The following EIF4E3 variants were observed in gnomAD, a reference collection of about 807,000 sequenced individuals.
The protein encoded by EIF4E3 is eukaryotic translation initiation factor 4E family member 3.
EIF4E3 carries 26 observed loss-of-function variants against 31.7 expected under a neutral mutation model. The observed-to-expected ratio is 0.82, with a 90% CI of 0.60 to 1.14. EIF4E3 has a LOEUF of 1.14. Ranked by LOEUF, EIF4E3 falls within the 50% of genes most tolerant of loss-of-function variation. EIF4E3 has a pLI of 0.00. For missense variants in EIF4E3, 304 were observed against 270.9 expected (o/e 1.12, Z -0.86); for synonymous variants, 128 against 107.7 (o/e 1.19, Z -1.17).
chr3:71,725,438 C>T, upstream of EIF4E3: 1 of 795,680 alleles, frequency 1.3e-6, no homozygotes, highest in Non-Finnish European at 1.5e-6. The surrounding 1 kb of genome is among the most constrained non-coding windows in gnomAD (Gnocchi z 6.1). Flanking sequence ...TCACCCCCGG[C>T]CCCCGCCCCG....
At chr3:71,687,989 T>C (rs938185439) in intron 6 of EIF4E3, among the ~76,000 whole-genome samples, 1 of 151,594 alleles carries the variant, frequency 6.6e-6, no homozygotes, top group African/African-American at 2.4e-5. Flanking sequence ...GACTGCCTGC[T>C]TTGTTTACAA....
chr3:71,709,966 G>A (rs1027767874), intron 2 of EIF4E3, among the ~76,000 whole-genome samples: 3 of 152,012 alleles, frequency 2.0e-5, no homozygotes, highest in African/African-American at 7.2e-5. Context: ...CCACCTTCAC[G>A]CTCCACACTA....
At chr3:71,734,792 C>A (rs975754755) in intron 1 of EIF4E3, among the ~76,000 whole-genome samples, 1 of 152,146 alleles carries the variant, frequency 6.6e-6, no homozygotes, top group African/African-American at 2.4e-5. Context: ...TCTGTTGATT[C>A]AATTTAACTG....
intron 1 of EIF4E3, among the ~76,000 whole-genome samples, chr3:71,711,741 C>G (rs1421803129): frequency 6.6e-6 from 1 of 152,168 alleles, no homozygotes; most frequent in Non-Finnish European, 1.5e-5. Flanking sequence ...CTCTGGGAGG[C>G]TGAGGCAGGT....
At chr3:71,687,193 G>T (rs377258907) in intron 6 of EIF4E3, among the ~76,000 whole-genome samples, 1 of 152,056 alleles carries the variant, frequency 6.6e-6, no homozygotes, top group East Asian at 1.9e-4. Flanking sequence ...GTAGAGATGG[G>T]GTTTCGCCAT....
intron 6 of EIF4E3, among the ~76,000 whole-genome samples, chr3:71,686,398 C>T (rs1013429670): frequency 9.2e-5 from 14 of 152,046 alleles, no homozygotes; most frequent in Non-Finnish European, 1.9e-4. Flanking sequence ...CAACCTACTC[C>T]GCACTTGGAT....
Position 71,684,464 on chromosome 3 carries a change from G to C in EIF4E3, c.*218C>G, listed in dbSNP as rs2048963181. 3 of 374,080 alleles carry C rather than the reference G, an allele frequency of 8.0e-6. No homozygotes were observed. Among genetic ancestry groups the C allele is most frequent in the Admixed American group, 4.5e-5 (1 of 22,106 alleles). The allele number at this position is 374,080 out of a possible 1,614,324, so 23.2% of individuals were successfully genotyped here. A position where few individuals can be genotyped will look rare whatever the true frequency, so the allele number is the denominator to read the frequency against. On this transcript the variant is annotated 3_prime_UTR_variant, in exon 7 of 7. Transcript: ENST00000425534. ...GCCAAAAAAAAAGTTTTTTGTGTGT[G>C]TTTTTTTTAAAAAGCAAGTAATGTG...
At chr3:71,703,669 A>G (rs1281701989) in intron 2 of EIF4E3, among the ~76,000 whole-genome samples, 1 of 152,144 alleles carries the variant, frequency 6.6e-6, no homozygotes, top group African/African-American at 2.4e-5. Context: ...TTCCTCCTCA[A>G]TTTCCTACTG....
chr3:71,684,464 G>T lies in EIF4E3; in HGVS notation c.*218C>A. ...GCCAAAAAAAAAGTTTTTTGTGTGT[G>T]TTTTTTTTAAAAAGCAAGTAATGTG... On this transcript the variant is annotated 3_prime_UTR_variant, in exon 7 of 7. Transcript: ENST00000425534. 1.1e-5 allele frequency: 4 copies of T among 374,310 alleles called. No homozygotes were observed. Among genetic ancestry groups the T allele is most frequent in the Non-Finnish European group, 1.9e-5 (4 of 212,180 alleles). The allele number at this position is 374,310 out of a possible 1,614,324, so 23.2% of individuals were successfully genotyped here.
rs891005006 is a variant in EIF4E3 at position 71,718,619 on chromosome 3, T to A, written c.176+6573A>T. ...ATGACAGATCACTAAATTGTTGCCATGTGCCCCGGGTTTGGAAGTAAGTTT... is the reference window on the plus strand; with the variant it reads ...ATGACAGATCACTAAATTGTTGCCAAGTGCCCCGGGTTTGGAAGTAAGTTT... On this transcript the variant is annotated intron_variant, in intron 1 of 6. Transcript: ENST00000425534. 3.9e-5 allele frequency among the ~76,000 whole-genome samples: 6 copies of A among 152,342 alleles called. No homozygotes were observed. In the Middle Eastern group the frequency reaches 0.014, roughly 345 times the overall value.
Position 71,716,529 on chromosome 3 carries a change from G to A in EIF4E3, c.177-6045C>T, listed in dbSNP as rs139973490. Among the ~76,000 whole-genome samples the A allele has an allele frequency of 8.9e-4, 135 of 152,266 alleles. 2 individuals carry two copies. In the East Asian group the frequency reaches 0.019, roughly 22 times the overall value. ...ATTACAGGCATGAGCCACCGTGCCC[G>A]GCCCATTTTATCCTTTTTCTTATTC... is the stretch of plus-strand genomic sequence containing the variant. On this transcript the variant is annotated intron_variant, in intron 1 of 6. Transcript: ENST00000425534.
chr3:71,699,573 T>C, intron 3 of EIF4E3, 41 bp downstream of exon 3: 1 of 1,549,020 alleles, frequency 6.5e-7, no homozygotes, highest in Non-Finnish European at 8.9e-7. Context: ...CACAAACATT[T>C]TCCTCCCACC....
intron 1 of EIF4E3, among the ~76,000 whole-genome samples, chr3:71,710,896 T>G (rs2049369324): frequency 6.6e-6 from 1 of 152,210 alleles, no homozygotes; most frequent in Non-Finnish European, 1.5e-5. Context: ...TTTGCAAACT[T>G]GTTAGTAACT....
At chr3:71,696,345 G>A (rs2049135411) in intron 4 of EIF4E3, 115 bp downstream of exon 4, 1 of 1,075,344 alleles carries the variant, frequency 9.3e-7, no homozygotes, top group East Asian at 2.4e-5. Flanking sequence ...CTCACCCCCA[G>A]CCTGTTTGGG....
chr3:71,722,704 G>C (rs1578373717), intron 1 of EIF4E3, among the ~76,000 whole-genome samples: 1 of 152,208 alleles, frequency 6.6e-6, no homozygotes, highest in Non-Finnish European at 1.5e-5. Context: ...CTCATCCAGT[G>C]AGGGGAATGA....
chr3:71,723,883 A>G (rs1044503244), intron 1 of EIF4E3, among the ~76,000 whole-genome samples: 6 of 151,964 alleles, frequency 3.9e-5, no homozygotes, highest in Admixed American at 6.6e-5. Context: ...CCCACCCCCA[A>G]CTTTTTTGGG....
rs1287660315 is a variant in EIF4E3, at chr3:71,682,576, G to A, written c.*2106C>T. On this transcript the variant is annotated 3_prime_UTR_variant, in exon 7 of 7. Coordinates refer to ENST00000425534, the MANE Select transcript of EIF4E3 (RefSeq NM_001134651.2). ...AATCCTCTCTGAAAGTAATTTAGAT[G>A]ATAGGTTTTTAACATTAGGCAAATT... The A allele has an allele frequency of 6.6e-6, 1 of 152,394 alleles. No homozygotes were observed. The highest frequency in any genetic ancestry group is 2.4e-5 in the African/African-American group (1 of 41,450). The allele number at this position is 152,394 out of a possible 1,614,324, so 9.4% of individuals were successfully genotyped here.
At chr3:71,687,615 T>C (rs548614591) in intron 6 of EIF4E3, among the ~76,000 whole-genome samples, 1 of 152,246 alleles carries the variant, frequency 6.6e-6, no homozygotes, top group African/African-American at 2.4e-5. Flanking sequence ...TCAGCTGTTC[T>C]GAAGAACTTA....
At chr3:71,752,479 A>G (rs931230697) in intron 1 of EIF4E3, among the ~76,000 whole-genome samples, 1 of 152,134 alleles carries the variant, frequency 6.6e-6, no homozygotes, top group Non-Finnish European at 1.5e-5. Context: ...ATGATCTTGC[A>G]CTATCCTGAA....
Sources: allele counts gnomAD v4.1 joint callset (sites outside exome capture counted in the v4.1 genomes callset), GRCh38; gene constraint gnomAD v4.1.1; non-coding constraint Gnocchi (gnomAD v3.1); transcripts MANE v1.5; gene names NCBI Gene and HGNC (gene_info 2026-07-23, HGNC 2026-07-21).